OSBPL11: variants seen among roughly 807,000 people sequenced by gnomAD.
OSBPL11 encodes the protein oxysterol binding protein like 11, also known as oxysterol-binding protein-related protein 11.
A neutral mutation model predicts 84.4 loss-of-function variants in OSBPL11; 33 were observed. The observed-to-expected ratio is 0.39, with a 90% CI of 0.30 to 0.52. The LOEUF is 0.52. OSBPL11 is among the 20% of genes least tolerant of loss of function. The pLI, the probability that OSBPL11 is intolerant of heterozygous loss-of-function variation, is 0.72. For synonymous variants in OSBPL11, 276 were observed against 310.2 expected (o/e 0.89, Z 1.16); for missense variants, 736 against 901.1 (o/e 0.82, Z 2.35).
intron 1 of OSBPL11, among the ~76,000 whole-genome samples, chr3:125,588,368 T>G (rs961766702): frequency 6.6e-6 from 1 of 151,254 alleles, no homozygotes; most frequent in African/African-American, 2.4e-5. Context: ...ACATCAGAGG[T>G]TGACGATAAT....
At chr3:125,533,416 G>A (rs1335774053) in intron 11 of OSBPL11, among the ~76,000 whole-genome samples, 1 of 151,902 alleles carries the variant, frequency 6.6e-6, no homozygotes, top group South Asian at 2.1e-4. Context: ...GTACAGACAG[G>A]GTTTCATCAT....
At chr3:125,532,577 CA>C (rs371653670) in intron 11 of OSBPL11, among the ~76,000 whole-genome samples, 81 of 53,932 alleles carry the variant, frequency 1.5e-3, no homozygotes, top group Non-Finnish European at 2.3e-3. Context: ...AAATCTCAAG[CA>C]AAAAAAAAAA....
chr3:125,581,370 G>A (rs1936421777), intron 2 of OSBPL11, among the ~76,000 whole-genome samples: 1 of 151,370 alleles, frequency 6.6e-6, no homozygotes, highest in Admixed American at 6.6e-5. Context: ...TGGATTACAG[G>A]TGTGAGTCAC....
chr3:125,539,514 T>C (rs1447157674), intron 10 of OSBPL11, among the ~76,000 whole-genome samples: 1 of 151,810 alleles, frequency 6.6e-6, no homozygotes, highest in Non-Finnish European at 1.5e-5. Flanking sequence ...TGATCTTGGC[T>C]CACTGCAACC....
At position 125,590,564 on chromosome 3, in the gene OSBPL11, A is replaced by T. The variant is rs191343417; in HGVS notation, c.164+4073T>A. ...GACCAGACTCTGTCTCAAAAAAAAA[A>T]TTTTTTTTTTCAAAAGGTCATCATG... On this transcript the variant is annotated intron_variant, in intron 1 of 12. Transcript: ENST00000296220. Among the ~76,000 whole-genome samples the T allele has an allele frequency of 2.1e-3, 317 of 150,578 alleles. 1 individual carries two copies. The highest frequency in any genetic ancestry group is 0.013 in the East Asian group (68 of 5,124).
At chr3:125,556,754 T>C (rs1935996068) in intron 8 of OSBPL11, among the ~76,000 whole-genome samples, 1 of 152,176 alleles carries the variant, frequency 6.6e-6, no homozygotes, top group African/African-American at 2.4e-5. Context: ...CTAAACATCA[T>C]TATGGAGTAC....
At chr3:125,592,599 T>C (rs1936614312) in intron 1 of OSBPL11, among the ~76,000 whole-genome samples, 1 of 152,168 alleles carries the variant, frequency 6.6e-6, no homozygotes, top group Non-Finnish European at 1.5e-5. Context: ...AAAGATAGCA[T>C]TTCCAGAGAA....
chr3:125,587,774 C>A (rs1936536011), intron 1 of OSBPL11, among the ~76,000 whole-genome samples: 1 of 151,710 alleles, frequency 6.6e-6, no homozygotes, highest in South Asian at 2.1e-4. Context: ...CCTGTCTCTA[C>A]AAAAAAAATT....
chr3:125,584,613 A>G (rs1444186210), intron 1 of OSBPL11, among the ~76,000 whole-genome samples: 2 of 152,218 alleles, frequency 1.3e-5, no homozygotes, highest in Non-Finnish European at 2.9e-5. Flanking sequence ...AGCCATTAGC[A>G]TGTAATAAAA....
At chr3:125,587,616 G>C (rs1936534344) in intron 1 of OSBPL11, among the ~76,000 whole-genome samples, 2 of 152,184 alleles carry the variant, frequency 1.3e-5, no homozygotes, top group South Asian at 4.1e-4. Context: ...AGTATGGAAA[G>C]ACAGAAACCA....
intron 10 of OSBPL11, among the ~76,000 whole-genome samples, chr3:125,544,722 G>T (rs533168946): frequency 1.3e-5 from 2 of 152,218 alleles, no homozygotes; most frequent in South Asian, 4.1e-4. Flanking sequence ...CACAACTCAG[G>T]CTTATGGAGA....
intron 11 of OSBPL11, among the ~76,000 whole-genome samples, chr3:125,532,475 G>A (rs1364162531): frequency 6.6e-6 from 1 of 151,304 alleles, no homozygotes; most frequent in African/African-American, 2.4e-5. Flanking sequence ...AGTGATCCTT[G>A]AGAAAGGAAA....
At chr3:125,570,300 T>G (rs1214418822) in intron 5 of OSBPL11, among the ~76,000 whole-genome samples, 2 of 141,000 alleles carry the variant, frequency 1.4e-5, no homozygotes, top group African/African-American at 2.7e-5. Context: ...AAGACCATCC[T>G]GGGGAACACA....
At chr3:125,542,138 A>G (rs1281782382) in intron 10 of OSBPL11, among the ~76,000 whole-genome samples, 1 of 152,230 alleles carries the variant, frequency 6.6e-6, no homozygotes, top group East Asian at 1.9e-4. Flanking sequence ...CAAATCTGTC[A>G]TTCTGCTTAC....
intron 5 of OSBPL11, among the ~76,000 whole-genome samples, chr3:125,571,707 A>G (rs1289502764): frequency 6.6e-6 from 1 of 152,134 alleles, no homozygotes; most frequent in Non-Finnish European, 1.5e-5. Context: ...TGAGCCTGCT[A>G]GTGCACAGAA....
chr3:125,564,353 C>A (rs116309810), intron 6 of OSBPL11, among the ~76,000 whole-genome samples: 287 of 152,260 alleles, frequency 1.9e-3, no homozygotes, highest in African/African-American at 6.4e-3. Context: ...TTTTCGAAAT[C>A]ATTTTTTAAA....
At chr3:125,564,775 C>T (rs1356426413) in intron 6 of OSBPL11, among the ~76,000 whole-genome samples, 3 of 151,948 alleles carry the variant, frequency 2.0e-5, no homozygotes, top group African/African-American at 7.3e-5. Flanking sequence ...CTGCCTCAGC[C>T]TCCCGGGTAG....
At chr3:125,542,501 A>T (rs541786357) in intron 10 of OSBPL11, among the ~76,000 whole-genome samples, 1 of 148,090 alleles carries the variant, frequency 6.8e-6, no homozygotes, top group African/African-American at 2.5e-5. Flanking sequence ...ATGTCCTGCT[A>T]ATTTTGTATT....
chr3:125,589,245 G>A (rs1179786543), intron 1 of OSBPL11, among the ~76,000 whole-genome samples: 7 of 150,778 alleles, frequency 4.6e-5, no homozygotes, highest in African/African-American at 1.7e-4. Context: ...GGGAGACTGA[G>A]GCACAAGAAT....
Sources: allele counts gnomAD v4.1 joint callset (sites outside exome capture counted in the v4.1 genomes callset), GRCh38; gene constraint gnomAD v4.1.1; transcripts MANE v1.5; gene names NCBI Gene and HGNC (gene_info 2026-07-23, HGNC 2026-07-21).